The following SUMF1 variants were observed in gnomAD, a reference collection of about 807,000 sequenced individuals.
The protein encoded by SUMF1 is sulfatase modifying factor 1.
SUMF1 carries 48 observed loss-of-function variants against 47.6 expected under a neutral mutation model. That is an observed-to-expected ratio of 1.01 (90% CI 0.80 to 1.28). The LOEUF (loss-of-function observed/expected upper bound fraction) is 1.28, where lower values mean the gene tolerates loss of function less well. SUMF1 is among the 50% of genes most tolerant of loss of function. SUMF1 has a pLI of 0.00. For synonymous variants in SUMF1, 230 were observed against 192.1 expected (o/e 1.20, Z -1.63); for missense variants, 571 against 485.4 (o/e 1.18, Z -1.66).
intron 8 of SUMF1, among the ~76,000 whole-genome samples, chr3:4,184,990 C>G (rs1011984271): frequency 6.6e-6 from 1 of 152,088 alleles, no homozygotes; most frequent in African/African-American, 2.4e-5. Flanking sequence ...GCTCTGTGTA[C>G]TCCTCTCCGA....
Position 4,231,703 on chromosome 3 carries a change from A to G in SUMF1, c.1014+144627T>C, listed in dbSNP as rs77091017. ...GTTCCTTAATAACACATAGCCCTTC[A>G]TGTTGGAAAAATCACTGCATTTATC... On this transcript the variant is annotated intron_variant and NMD_transcript_variant, in intron 8 of 12. Coordinates refer to the SUMF1 transcript ENST00000448413. Among the ~76,000 whole-genome samples the G allele has an allele frequency of 6.2e-3, 944 of 152,250 alleles. 25 individuals carry two copies. The highest frequency in any genetic ancestry group is 0.049 in the East Asian group (254 of 5,162).
chr3:4,465,056 G>GA (rs1235925016), intron 1 of SUMF1, among the ~76,000 whole-genome samples: 1 of 152,148 alleles, frequency 6.6e-6, no homozygotes, highest in African/African-American at 2.4e-5. Flanking sequence ...GTTTAAAAAT[G>GA]AAAAATGTTC....
At position 4,200,980 on chromosome 3, in the gene SUMF1, ACTTTGTT is replaced by A. The variant is rs1026818840; in HGVS notation, c.1015-132242_1015-132236del. Among the ~76,000 whole-genome samples the A allele has an allele frequency of 3.3e-4, 50 of 150,792 alleles. 1 individual carries two copies. Among genetic ancestry groups the A allele is most frequent in the Non-Finnish European group, 5.9e-5 (4 of 67,948 alleles). On this transcript the variant is annotated intron_variant and NMD_transcript_variant, in intron 8 of 12. Coordinates refer to the SUMF1 transcript ENST00000448413. The stretch of plus-strand genomic sequence containing the variant: ...AAAACTATATAGCATAAACCCTCCA[ACTTTGTT>A]CTTTGTTTGTAATTTTTTATAGGTA...
intron 7 of SUMF1, among the ~76,000 whole-genome samples, chr3:4,408,369 A>G (rs1701437437): frequency 6.6e-6 from 1 of 152,262 alleles, no homozygotes; most frequent in Non-Finnish European, 1.5e-5. Flanking sequence ...GTAAACTGTT[A>G]ACATTATGTA....
At chr3:4,369,921 A>G (rs140536041) in intron 8 of SUMF1, among the ~76,000 whole-genome samples, 5 of 152,342 alleles carry the variant, frequency 3.3e-5, no homozygotes, top group Admixed American at 6.5e-5. Flanking sequence ...CACTGAATAT[A>G]TGAGAGCTTA....
intron 9 of SUMF1, among the ~76,000 whole-genome samples, chr3:4,036,456 A>G (rs1436254427): frequency 6.6e-6 from 1 of 152,038 alleles, no homozygotes; most frequent in Non-Finnish European, 1.5e-5. Flanking sequence ...TGACTTTTGG[A>G]GGGCAGAGGC....
At chr3:4,215,371 A>T (rs1057513387) in intron 8 of SUMF1, among the ~76,000 whole-genome samples, 19 of 152,180 alleles carry the variant, frequency 1.2e-4, no homozygotes, top group African/African-American at 4.6e-4. Context: ...AACTAAATTA[A>T]CTAGGTATTG....
chr3:4,411,973 A>T (rs1425326513), intron 6 of SUMF1, among the ~76,000 whole-genome samples: 1 of 152,176 alleles, frequency 6.6e-6, no homozygotes, highest in Admixed American at 6.5e-5. Context: ...GTGGCTTCAG[A>T]TGGTTTCACA....
At position 4,362,255 on chromosome 3, in the gene SUMF1, C is replaced by G. The variant is rs1559245009; in HGVS notation, c.1015-1G>C. ...CACAGCGATACCTGTAACAATAAGA[C>G]TGTGTAGAGAGAAAGAGCAAGGTAA... On this transcript the variant is annotated splice_acceptor_variant, in intron 8 of 8. Transcript: ENST00000272902. LOFTEE classifies it high-confidence loss of function. 2 of 1,613,762 alleles carry G rather than the reference C, an allele frequency of 1.2e-6. No individual in the cohort carries two copies. Among genetic ancestry groups the G allele is most frequent in the East Asian group, 2.2e-5 (1 of 44,866 alleles).
chr3:4,108,096 C>T (rs1693199918), intron 8 of SUMF1, among the ~76,000 whole-genome samples: 1 of 152,058 alleles, frequency 6.6e-6, no homozygotes, highest in Non-Finnish European at 1.5e-5. Context: ...GGTTGCTATT[C>T]ATAAAGAGAG....
intron 8 of SUMF1, among the ~76,000 whole-genome samples, chr3:4,182,919 T>C (rs1274290099): frequency 6.6e-6 from 1 of 150,900 alleles, no homozygotes; most frequent in Non-Finnish European, 1.5e-5. Flanking sequence ...AGGTCATGGG[T>C]ATCCTTCCAT....
intron 3 of SUMF1, among the ~76,000 whole-genome samples, chr3:4,442,325 G>A (rs1034091754): frequency 1.3e-4 from 20 of 149,868 alleles, no homozygotes; most frequent in Middle Eastern, 6.8e-3. Context: ...GCGCGATCTC[G>A]GCTCACTGCA....
rs988455074 is a variant in SUMF1, at chr3:4,275,454, TCTCTTCTGGTG to T, written c.1014+100865_1014+100875del. ...ATGTCAAGAGGCAGAAGAGGGATGG[TCTCTTCTGGTG>T]CATTCTTCATAAGACCAAGAAAACC... On this transcript the variant is annotated intron_variant and NMD_transcript_variant, in intron 8 of 12. Transcript: ENST00000448413. 9.9e-5 allele frequency among the ~76,000 whole-genome samples: 15 copies of T among 152,078 alleles called. No homozygotes were observed. The East Asian group carries it at 1.9e-3, about 20-fold the overall frequency.
chr3:4,152,025 G>A (rs1255153018), intron 8 of SUMF1, among the ~76,000 whole-genome samples: 1 of 151,496 alleles, frequency 6.6e-6, no homozygotes, highest in Non-Finnish European at 1.5e-5. Context: ...GAAAATACAA[G>A]CATTCATAAT....
At position 4,273,105 on chromosome 3, in the gene SUMF1, T is replaced by C. The variant is rs138340260; in HGVS notation, c.1014+103225A>G. Reference sequence around the variant, plus strand: ...AAATATATATACACACATATATATATACATATATATATACACACACATATA... The same window carrying C: ...AAATATATATACACACATATATATACACATATATATATACACACACATATA... On this transcript the variant is annotated intron_variant and NMD_transcript_variant, in intron 8 of 12. Transcript: ENST00000448413. Among the ~76,000 whole-genome samples, 144 of 149,040 alleles carry C rather than the reference T, an allele frequency of 9.7e-4. 1 individual carries two copies. Among genetic ancestry groups the C allele is most frequent in the Admixed American group, 5.2e-3 (77 of 14,818 alleles).
intron 7 of SUMF1, among the ~76,000 whole-genome samples, chr3:4,383,992 AAC>A (rs977078340): frequency 1.3e-5 from 2 of 152,242 alleles, no homozygotes; most frequent in African/African-American, 4.8e-5. Flanking sequence ...AAAACTTAAC[AAC>A]ACAGTGTGAC....
At chr3:4,440,068 T>C (rs1187424806) in intron 3 of SUMF1, among the ~76,000 whole-genome samples, 1 of 151,988 alleles carries the variant, frequency 6.6e-6, no homozygotes, top group Non-Finnish European at 1.5e-5. Context: ...ACCCCGTCTC[T>C]ACTAAAAATA....
At chr3:4,265,330 G>C (rs1268805610) in intron 8 of SUMF1, among the ~76,000 whole-genome samples, 1 of 151,936 alleles carries the variant, frequency 6.6e-6, no homozygotes, top group Non-Finnish European at 1.5e-5. Flanking sequence ...TCACAAACTT[G>C]TAGTCCACAT....
intron 8 of SUMF1, among the ~76,000 whole-genome samples, chr3:4,251,736 C>A (rs527862384): frequency 1.3e-5 from 2 of 152,164 alleles, no homozygotes; most frequent in African/African-American, 4.8e-5. Context: ...GGCTGTTTTA[C>A]CTACATTGAA....
Sources: gnomAD v4.1 joint callset for allele counts (sites outside exome capture counted in the v4.1 genomes callset) on GRCh38, gnomAD v4.1.1 for gene constraint, MANE v1.5 for transcripts, NCBI Gene and HGNC (gene_info 2026-07-23, HGNC 2026-07-21) for gene names.